The following STIP1 variants were observed in gnomAD, a reference collection of about 807,000 sequenced individuals.
STIP1 encodes the protein stress-induced-phosphoprotein 1.
Under a neutral mutation model 77.4 loss-of-function variants are expected in STIP1, and 16 were observed. That is an observed-to-expected ratio of 0.21 (90% confidence interval 0.14 to 0.31). The LOEUF (loss-of-function observed/expected upper bound fraction) is 0.31, where lower values mean the gene tolerates loss of function less well. STIP1 is among the 10% of genes least tolerant of loss of function. The pLI, the probability that STIP1 is intolerant of heterozygous loss-of-function variation, is 1.00. For synonymous variants in STIP1, 258 were observed against 246.6 expected (o/e 1.05, Z -0.44); for missense variants, 524 against 684.8 (o/e 0.77, Z 2.62).
chr11:64,197,616 T>A, intron 7 of STIP1, 21 bp downstream of exon 7: 1 of 1,613,080 alleles, frequency 6.2e-7, no homozygotes, highest in Non-Finnish European at 8.5e-7. Flanking sequence ...CCTTCCAGAA[T>A]ACCTTGAGTA....
Position 64,199,786 on chromosome 11 carries a change from A to C in STIP1, c.1024-154A>C, listed in dbSNP as rs369976612. Among the ~76,000 whole-genome samples the C allele has an allele frequency of 2.1e-3, 317 of 152,008 alleles. 5 individuals are homozygous for C. In the Middle Eastern group the frequency reaches 0.038, roughly 18 times the overall value. On this transcript the variant is annotated intron_variant, in intron 8 of 13. Coordinates refer to ENST00000305218, the MANE Select transcript of STIP1 (RefSeq NM_006819.3). ...CACCATGTTAGCCAGGATGGTCTCG[A>C]TCTCCTGACCTCGTGATCCACCCGC... is the stretch of plus-strand genomic sequence containing the variant.
At chr11:64,187,462 C>G (rs536979133) in intron 1 of STIP1, among the ~76,000 whole-genome samples, 1 of 152,186 alleles carries the variant, frequency 6.6e-6, no homozygotes, top group South Asian at 2.1e-4. Context: ...TTAAATAAGA[C>G]ATCTCGATGG....
chr11:64,195,015 A>G (rs2845587), intron 4 of STIP1, among the ~76,000 whole-genome samples: 5,808 of 152,280 alleles, frequency 0.038, 374 homozygotes, highest in African/African-American at 0.13. Context: ...GGCTCCTGAG[A>G]TCAGCTACGG....
In STIP1 at chr11:64,202,869, A is replaced by C. The variant is rs771003896; in HGVS notation, c.1246-7A>C. 8 of 1,614,020 alleles carry C rather than the reference A, an allele frequency of 5.0e-6. No individual in the cohort carries two copies. The African/African-American group carries it at 9.3e-5, about 19-fold the overall frequency. On this transcript the variant is annotated splice_region_variant and splice_polypyrimidine_tract_variant and intron_variant, in intron 10 of 13. Transcript: ENST00000305218. ...GAGCCTAATTTCTTTCTGTTGCTTC[A>C]TTCTAGGACTGTGAGGAATGTATCC...
upstream of STIP1, chr11:64,186,031 A>G: frequency 6.5e-7 from 1 of 1,545,836 alleles, no homozygotes; most frequent in Non-Finnish European, 8.7e-7. Flanking sequence ...GGTTGAGGGA[A>G]TTACTCCCCG....
Position 64,204,218 on chromosome 11 carries a change from A to G in STIP1, c.*92A>G. ...CACGGAGCGGAAGGGAGAGCAGGGG[A>G]GAGAAGGCCTCATCTCTCTATATTT... On this transcript the variant is annotated 3_prime_UTR_variant, in exon 14 of 14. Transcript: ENST00000305218. 1.6e-6 allele frequency: 2 copies of G among 1,279,858 alleles called. No homozygotes were observed. The highest frequency in any genetic ancestry group is 2.2e-6 in the Non-Finnish European group (2 of 894,764). 79.3% of individuals were successfully genotyped at this position (1,279,858 alleles called of 1,614,324 possible). A position where few individuals can be genotyped will look rare whatever the true frequency, so the allele number is the denominator to read the frequency against.
At position 64,191,325 on chromosome 11, in the gene STIP1, T is replaced by C. The variant is rs527925820; in HGVS notation, c.10-1753T>C. ...TGCCATCTTTAAAAAAAAATAAATA[T>C]GGCCAGGCGCGGTGGCTCACGCCTG... On this transcript the variant is annotated intron_variant, in intron 1 of 13. Coordinates refer to ENST00000305218, the MANE Select transcript of STIP1 (RefSeq NM_006819.3). 8.6e-5 allele frequency among the ~76,000 whole-genome samples: 13 copies of C among 151,502 alleles called. No homozygotes were observed. In the South Asian group the frequency reaches 1.9e-3, roughly 22 times the overall value.
chr11:64,187,483 A>C (rs554689899), intron 1 of STIP1, among the ~76,000 whole-genome samples: 1 of 152,248 alleles, frequency 6.6e-6, no homozygotes, highest in South Asian at 2.1e-4. Flanking sequence ...ACTAGTGACT[A>C]CCATCCTTTT....
intron 4 of STIP1, among the ~76,000 whole-genome samples, chr11:64,195,318 G>C (rs1056316982): frequency 4.6e-5 from 7 of 152,080 alleles, no homozygotes; most frequent in African/African-American, 7.2e-5. Flanking sequence ...GTTTCACCAT[G>C]TTGGCTAGGC....
chr11:64,203,058 G>A (rs1162816156), intron 11 of STIP1, 67 bp from the exon 12 acceptor site: 1 of 1,599,140 alleles, frequency 6.3e-7, no homozygotes, highest in Admixed American at 1.7e-5. Context: ...TGGTGTGCAG[G>A]TGAAGAGGTG....
At chr11:64,188,021 G>C (rs566633527) in intron 1 of STIP1, among the ~76,000 whole-genome samples, 1 of 137,792 alleles carries the variant, frequency 7.3e-6, no homozygotes, top group East Asian at 2.2e-4. Context: ...CTGGGCCACA[G>C]AGCGAGACTC....
chr11:64,195,863 A>G (rs1479985945), intron 5 of STIP1, 50 bp downstream of exon 5: 2 of 1,609,738 alleles, frequency 1.2e-6, no homozygotes, highest in Non-Finnish European at 1.7e-6. Context: ...ACAACTAGAA[A>G]TCTTTATGTT....
chr11:64,185,912 T>A (rs1255883312), upstream of STIP1: 2 of 1,536,112 alleles, frequency 1.3e-6, no homozygotes, highest in African/African-American at 2.7e-5. Context: ...CGATTGGCAG[T>A]GCAAAAGACC....
In STIP1 at chr11:64,195,262, C is replaced by T. The variant is rs138380650; in HGVS notation, c.504-383C>T. On this transcript the variant is annotated intron_variant, in intron 4 of 13. Coordinates refer to ENST00000305218, the MANE Select transcript of STIP1 (RefSeq NM_006819.3). The stretch of plus-strand genomic sequence containing the variant: ...CTGAGTAGCTGGGATTACAGGTGTA[C>T]GCCACCACGCCCAGCTAATTTTTGT... Among the ~76,000 whole-genome samples, 340 of 152,130 alleles carry T rather than the reference C, an allele frequency of 2.2e-3. 5 individuals are homozygous for T. The Middle Eastern group carries it at 0.037, about 17-fold the overall frequency.
chr11:64,185,892 A>G (rs1189946886), upstream of STIP1: 8 of 1,536,212 alleles, frequency 5.2e-6, no homozygotes, highest in East Asian at 2.4e-5. Context: ...GGGCGCGGCC[A>G]GCGCGGCTAC....
rs533964010 is a variant in STIP1, at chr11:64,203,288, C to T, written c.1386+60C>T. 1.4e-4 allele frequency: 216 copies of T among 1,595,920 alleles called. 2 individuals carry two copies. The South Asian group carries it at 2.3e-3, about 17-fold the overall frequency. On this transcript the variant is annotated intron_variant, in intron 12 of 13. Coordinates refer to ENST00000305218, the MANE Select transcript of STIP1 (RefSeq NM_006819.3). ...GCCTCTTTCTCTGTTGGGGCTTTTC[C>T]ATGTTCAGTCCCTGATTTCTTCCCT...
intron 10 of STIP1, 46 bp downstream of exon 10, chr11:64,200,339 A>C (rs1946203626): frequency 6.4e-7 from 1 of 1,565,822 alleles, no homozygotes; most frequent in South Asian, 1.2e-5. Context: ...CCTGCACATG[A>C]GGAGTGGGTT....
Position 64,195,685 on chromosome 11 carries a change from C to A in STIP1, c.544C>A (p.Leu182Ile), listed in dbSNP as rs1946141723. The change falls in exon 5 of 14, where the codon CTC becomes ATC. Residue 182 changes from leucine (L) to isoleucine (I), a missense_variant. Physicochemically the swap from Leu to Ile is conservative, Grantham distance 5 (BLOSUM62 2). Transcript: ENST00000305218. ...DPRIMTTLSV[L>I]LGVDLGSMDE... is the part of the protein sequence containing the mutation. ...CCGGATCATGACCACTCTCAGCGTC[C>A]TCCTTGGGGTCGATCTGGGCAGTAT... The A allele has an allele frequency of 5.0e-6, 8 of 1,613,942 alleles. No homozygotes were observed. The highest frequency in any genetic ancestry group is 6.8e-6 in the Non-Finnish European group (8 of 1,179,972).
intron 10 of STIP1, among the ~76,000 whole-genome samples, chr11:64,200,629 A>G (rs1416106060): frequency 7.2e-6 from 1 of 137,932 alleles, no homozygotes; most frequent in African/African-American, 2.7e-5. Context: ...GTGTGTGTGT[A>G]AAATATGGGA....
Sources: gnomAD v4.1 joint callset for allele counts (sites outside exome capture counted in the v4.1 genomes callset) on GRCh38, gnomAD v4.1.1 for gene constraint, MANE v1.5 for transcripts, NCBI Gene and HGNC (gene_info 2026-07-23, HGNC 2026-07-21) for gene names.